Variants in OSBPL10 observed in about 807,000 individuals in gnomAD.
OSBPL10 encodes oxysterol-binding protein-related protein 10.
In OSBPL10, 49 loss-of-function variants were observed where a neutral mutation model predicts 81.7. That is an observed-to-expected ratio of 0.60 (90% CI 0.48 to 0.76). OSBPL10 has a LOEUF of 0.76. Among genes scored for constraint, OSBPL10 ranks in the 30% least tolerant of loss-of-function variants. The pLI is 0.00. For synonymous variants in OSBPL10, 419 were observed against 383.6 expected (o/e 1.09, Z -1.08); for missense variants, 923 against 987.8 (o/e 0.93, Z 0.88).
At chr3:31,855,144 GCCT>G (rs1290839957) in intron 3 of OSBPL10, among the ~76,000 whole-genome samples, 3 of 152,088 alleles carry the variant, frequency 2.0e-5, no homozygotes, top group Non-Finnish European at 2.9e-5. Flanking sequence ...TTCCACCTCG[GCCT>G]CCTAAGTAGC....
intron 1 of OSBPL10, among the ~76,000 whole-genome samples, chr3:31,950,466 A>T (rs1344739015): frequency 2.0e-5 from 3 of 152,244 alleles, no homozygotes; most frequent in Non-Finnish European, 4.4e-5. Context: ...ATCAAAAACT[A>T]GAAAAGGTGC....
intron 6 of OSBPL10, among the ~76,000 whole-genome samples, chr3:31,719,521 T>C (rs1575498206): frequency 6.6e-6 from 1 of 152,126 alleles, no homozygotes; most frequent in East Asian, 1.9e-4. Context: ...CAAGATACCA[T>C]TAATCTTAAA....
intron 1 of OSBPL10, among the ~76,000 whole-genome samples, chr3:31,887,257 A>C (rs1695760621): frequency 6.6e-6 from 1 of 152,314 alleles, no homozygotes; most frequent in Admixed American, 6.5e-5. Flanking sequence ...TAAAACTTCC[A>C]ATCTACTACT....
At chr3:31,965,629 A>C (rs1462114320) in intron 1 of OSBPL10, among the ~76,000 whole-genome samples, 3 of 77,154 alleles carry the variant, frequency 3.9e-5, no homozygotes, top group African/African-American at 1.8e-4. Context: ...TATATATTAT[A>C]TAATATATTA....
At chr3:31,970,648 C>T (rs1210439662) in intron 1 of OSBPL10, among the ~76,000 whole-genome samples, 1 of 152,230 alleles carries the variant, frequency 6.6e-6, no homozygotes, top group Non-Finnish European at 1.5e-5. Context: ...ACACCCACCT[C>T]CATCTCATTT....
intron 1 of OSBPL10, among the ~76,000 whole-genome samples, chr3:31,959,731 T>A (rs190406611): frequency 3.3e-4 from 51 of 152,282 alleles, no homozygotes; most frequent in Admixed American, 5.9e-4. Context: ...AGCGACAAAC[T>A]CCGTGTGTAA....
chr3:31,814,605 T>C (rs917789799), intron 4 of OSBPL10, among the ~76,000 whole-genome samples: 2 of 152,166 alleles, frequency 1.3e-5, no homozygotes, highest in African/African-American at 4.8e-5. Context: ...CTGCTGGTAA[T>C]CACCAGAGGC....
intron 1 of OSBPL10, among the ~76,000 whole-genome samples, chr3:31,936,643 TTGTC>T (rs1697385629): frequency 6.6e-6 from 1 of 152,156 alleles, no homozygotes; most frequent in Non-Finnish European, 1.5e-5. Flanking sequence ...AAGTCAGTGG[TTGTC>T]TGTTTTGGAA....
At chr3:31,705,389 C>T (rs1259979471) in intron 6 of OSBPL10, among the ~76,000 whole-genome samples, 1 of 135,046 alleles carries the variant, frequency 7.4e-6, no homozygotes, top group Non-Finnish European at 1.5e-5. Flanking sequence ...CCCCCACCCC[C>T]ATCGCGGTCC....
At chr3:31,988,741 G>C (rs976592267) in intron 2 of OSBPL10, 7 of 308,700 alleles carry the variant, frequency 2.3e-5, no homozygotes, top group African/African-American at 1.3e-4. Context: ...ATGAAGGTGT[G>C]CCAGCCACTG....
At chr3:31,978,624 G>A (rs1439506929) in intron 1 of OSBPL10, among the ~76,000 whole-genome samples, 1 of 152,166 alleles carries the variant, frequency 6.6e-6, no homozygotes, top group Non-Finnish European at 1.5e-5. Flanking sequence ...CTGACACTGA[G>A]ATGTTAACAA....
At chr3:31,934,926 T>C (rs2125727694) in intron 1 of OSBPL10, among the ~76,000 whole-genome samples, 1 of 152,210 alleles carries the variant, frequency 6.6e-6, no homozygotes, top group South Asian at 2.1e-4. Context: ...AAGCAACCAG[T>C]CCAAAGATAG....
At chr3:31,758,677 CA>C (rs1389775952) in intron 4 of OSBPL10, among the ~76,000 whole-genome samples, 1 of 152,218 alleles carries the variant, frequency 6.6e-6, no homozygotes, top group African/African-American at 2.4e-5. Flanking sequence ...CTTTTGATGT[CA>C]GAGGGCTGAA....
chr3:31,908,690 T>TA (rs1230282297), intron 1 of OSBPL10, among the ~76,000 whole-genome samples: 2 of 152,358 alleles, frequency 1.3e-5, no homozygotes, highest in Non-Finnish European at 2.9e-5. Flanking sequence ...TGCTTGCCTT[T>TA]AAACATTCTG....
At chr3:31,950,744 ACT>A (rs1697844304) in intron 1 of OSBPL10, among the ~76,000 whole-genome samples, 1 of 151,890 alleles carries the variant, frequency 6.6e-6, no homozygotes, top group Non-Finnish European at 1.5e-5. Context: ...GTGAGTTCTC[ACT>A]CTGTTAGTTC....
Position 31,886,133 on chromosome 3 carries a change from A to C in OSBPL10, c.282-6303T>G, listed in dbSNP as rs181316948. Among the ~76,000 whole-genome samples, 697 of 152,234 alleles carry C rather than the reference A, an allele frequency of 4.6e-3. 5 individuals are homozygous for C. The highest frequency in any genetic ancestry group is 0.016 in the African/African-American group (654 of 41,548). ...TACAAGAGAATTACAAACATGCATG[A>C]AAAAAATCTTTCTTTGAAGCACTCT... is the stretch of plus-strand genomic sequence containing the variant. On this transcript the variant is annotated intron_variant, in intron 1 of 11. Transcript: ENST00000396556.
At position 31,748,034 on chromosome 3, in the gene OSBPL10, G is replaced by A. The variant is rs1240642461; in HGVS notation, c.816C>T (p.Asp272=). The A allele has an allele frequency of 1.2e-6, 2 of 1,614,062 alleles. No homozygotes were observed. Among genetic ancestry groups the A allele is most frequent in the African/African-American group, 1.3e-5 (1 of 74,916 alleles). ...LPGSGPLTAL[D]QDLLLLKATS... ...TAGCTTTCAGGAGCAGCAGGTCCTG[G>A]TCCAAGGCAGTGAGGGGGCCGGACC... Residue 272 remains aspartate, a synonymous_variant, in exon 5 of 12, where the codon GAC becomes GAT. Coordinates refer to ENST00000396556, the MANE Select transcript of OSBPL10 (RefSeq NM_017784.5).
chr3:32,036,455 C>A (rs563550520), intron 2 of OSBPL10, among the ~76,000 whole-genome samples: 15 of 152,332 alleles, frequency 9.8e-5, no homozygotes, highest in African/African-American at 3.1e-4. Context: ...CTCACCACTT[C>A]TGCCTGGAAA....
At position 31,980,981 on chromosome 3, in the gene OSBPL10, C is replaced by G. The variant is rs750430465; in HGVS notation, c.199G>C (p.Gly67Arg). The change falls in exon 1 of 12, where the codon GGG (glycine) becomes CGG (arginine). Residue 67 changes from glycine (G) to arginine (R), a missense_variant. Physicochemically the swap from Gly to Arg is moderately radical, Grantham distance 125. Around this residue, in one of 3 missense-constraint regions of OSBPL10, gnomAD observed 514 missense variants for 508.0 expected, o/e 1.01. Coordinates refer to ENST00000396556, the MANE Select transcript of OSBPL10 (RefSeq NM_017784.5). ...GGCTCCCTCCTGCGGCCGCCTCCCC[C>G]GGACGGGCTAGCGGCCACAGAGCCC... ...SPGSVAASPSGGGGRRREPAL... is the reference protein window; with the variant it reads ...SPGSVAASPSRGGGRRREPAL... The G allele has an allele frequency of 2.1e-5, 32 of 1,556,080 alleles. No individual in the cohort carries two copies. In the African/African-American group the frequency reaches 3.4e-4, roughly 17 times the overall value.
Sources: allele counts gnomAD v4.1 joint callset (sites outside exome capture counted in the v4.1 genomes callset), GRCh38; gene constraint gnomAD v4.1.1; regional missense constraint gnomAD v4.1.1; transcripts MANE v1.5; gene names NCBI Gene and HGNC (gene_info 2026-07-23, HGNC 2026-07-21).